COL25A1: variants seen among roughly 807,000 people sequenced by gnomAD.
COL25A1 encodes the protein collagen type XXV alpha 1 chain, also known as collagen alpha-1(XXV) chain.
COL25A1 carries 103 observed loss-of-function variants against 128.4 expected under a neutral mutation model. The observed-to-expected ratio is 0.80, with a 90% CI of 0.68 to 0.94. COL25A1 has a LOEUF of 0.94. Among genes scored for constraint, COL25A1 ranks in the 40% least tolerant of loss-of-function variants. The probability of loss-of-function intolerance (pLI) is 0.00; values close to 1 mark genes in which losing one functional copy is unlikely to be tolerated. For synonymous variants in COL25A1, 279 were observed against 277.2 expected, an observed-to-expected ratio of 1.01 and a Z score of -0.06; for missense variants, 745 against 840.0, an observed-to-expected ratio of 0.89 and a Z score of 1.40.
At chr4:109,059,076 T>C (rs1761707986) in intron 3 of COL25A1, among the ~76,000 whole-genome samples, 1 of 152,166 alleles carries the variant, frequency 6.6e-6, no homozygotes, top group African/African-American at 2.4e-5. Flanking sequence ...GAGAACCTAA[T>C]GAGCCCCTGT....
intron 3 of COL25A1, among the ~76,000 whole-genome samples, chr4:109,063,724 C>T (rs562034643): frequency 2.6e-5 from 4 of 152,094 alleles, no homozygotes; most frequent in African/African-American, 9.6e-5. Context: ...CTGCAGCTTA[C>T]CATGAGACTA....
intron 3 of COL25A1, among the ~76,000 whole-genome samples, chr4:109,117,824 G>T (rs1013959916): frequency 6.6e-6 from 1 of 151,908 alleles, no homozygotes; most frequent in Non-Finnish European, 1.5e-5. Context: ...GTGAAGTGGT[G>T]TAGTGTATTT....
intron 3 of COL25A1, among the ~76,000 whole-genome samples, chr4:109,056,188 T>C (rs976270876): frequency 1.3e-5 from 2 of 152,082 alleles, no homozygotes; most frequent in East Asian, 1.9e-4. Flanking sequence ...TTTTTAACAA[T>C]AGAAAAGATA....
chr4:109,016,931 T>C (rs1011017003), intron 5 of COL25A1, among the ~76,000 whole-genome samples: 6 of 152,190 alleles, frequency 3.9e-5, no homozygotes, highest in Admixed American at 3.9e-4. Flanking sequence ...CTGAAAGAGC[T>C]GTAACACAGA....
chr4:108,845,655 G>A (rs1264217329), intron 28 of COL25A1, among the ~76,000 whole-genome samples: 1 of 152,114 alleles, frequency 6.6e-6, no homozygotes, highest in East Asian at 1.9e-4. Context: ...GGAGTTTACT[G>A]CATTTTTTAA....
intron 3 of COL25A1, among the ~76,000 whole-genome samples, chr4:109,210,975 A>G (rs1029738553): frequency 3.3e-5 from 5 of 152,004 alleles, no homozygotes; most frequent in Admixed American, 1.3e-4. Flanking sequence ...AACACTGAGC[A>G]CACATGGGCA....
intron 3 of COL25A1, among the ~76,000 whole-genome samples, chr4:109,269,358 GT>G (rs200264467): frequency 0.077 from 11,267 of 146,484 alleles, 618 homozygotes; most frequent in East Asian, 0.23. Flanking sequence ...TTGGTTCCAA[GT>G]CTTTGCTATT....
intron 15 of COL25A1, 111 bp from the exon 16 acceptor site, chr4:108,896,822 G>A: frequency 1.1e-6 from 1 of 927,908 alleles, no homozygotes; most frequent in South Asian, 1.4e-5. Context: ...AAAATCTGTT[G>A]CAAATGCTCT....
chr4:108,942,143 T>G (rs928586940), intron 8 of COL25A1: 7 of 1,496,774 alleles, frequency 4.7e-6, no homozygotes, highest in Non-Finnish European at 6.4e-6. Flanking sequence ...GCCAATTGAA[T>G]GGTTCCTGCT....
chr4:109,039,382 T>C (rs1209694380), intron 5 of COL25A1, among the ~76,000 whole-genome samples: 2 of 152,242 alleles, frequency 1.3e-5, no homozygotes, highest in African/African-American at 4.8e-5. Flanking sequence ...TTGAACTTTA[T>C]ATTTCAGCTT....
At chr4:109,121,744 C>A (rs1768127344) in intron 3 of COL25A1, among the ~76,000 whole-genome samples, 1 of 152,048 alleles carries the variant, frequency 6.6e-6, no homozygotes, top group African/African-American at 2.4e-5. Context: ...CATACTCTTA[C>A]CACATGATTC....
chr4:108,951,215 A>G (rs1469383223), intron 8 of COL25A1, among the ~76,000 whole-genome samples: 22 of 152,158 alleles, frequency 1.4e-4, no homozygotes, highest in Admixed American at 1.4e-3. Context: ...GTGGAAAGCC[A>G]TGAAGGTTTT....
At chr4:109,001,426 G>GTCAGGTAGGC (rs1755408348) in intron 6 of COL25A1, among the ~76,000 whole-genome samples, 1 of 17,708 alleles carries the variant, frequency 5.6e-5, no homozygotes, top group Non-Finnish European at 1.8e-4. Context: ...GGTAGGCAGT[G>GTCAGGTAGGC]AGCTAGAGGG....
At chr4:108,985,272 C>T (rs970656773) in intron 6 of COL25A1, among the ~76,000 whole-genome samples, 22 of 152,178 alleles carry the variant, frequency 1.4e-4, no homozygotes, top group African/African-American at 5.1e-4. Context: ...CCCAGTTACT[C>T]TTTTTCTCAC....
intron 3 of COL25A1, among the ~76,000 whole-genome samples, chr4:109,207,453 C>G (rs1179258717): frequency 6.6e-6 from 1 of 152,138 alleles, no homozygotes; most frequent in Non-Finnish European, 1.5e-5. Context: ...TACTCTCACT[C>G]CTGATGGCTT....
intron 8 of COL25A1, among the ~76,000 whole-genome samples, chr4:108,961,992 A>C (rs1015446566): frequency 6.6e-6 from 1 of 152,152 alleles, no homozygotes; most frequent in Admixed American, 6.6e-5. Flanking sequence ...TCAGGCTGAC[A>C]TGTTCTTTTG....
At position 109,198,503 on chromosome 4, in the gene COL25A1, C is replaced by A. The variant is rs78203741; in HGVS notation, c.367+102080G>T. Among the ~76,000 whole-genome samples the A allele has an allele frequency of 8.5e-3, 1,291 of 152,252 alleles. 57 individuals are homozygous for A. The South Asian group carries it at 0.14, about 16-fold the overall frequency. ...GACTCCTTTTACTCCCTTAAATTTA[C>A]TGATAACCAGGTAAAACTCATTGAA... On this transcript the variant is annotated intron_variant, in intron 3 of 37. Coordinates refer to ENST00000399132, the MANE Select transcript of COL25A1 (RefSeq NM_198721.4).
At chr4:109,246,607 C>A (rs947732171) in intron 3 of COL25A1, among the ~76,000 whole-genome samples, 2 of 151,968 alleles carry the variant, frequency 1.3e-5, no homozygotes, top group African/African-American at 4.8e-5. Context: ...TTCAACAAAT[C>A]TTAAAATTTT....
intron 3 of COL25A1, among the ~76,000 whole-genome samples, chr4:109,105,693 C>G (rs7696620): frequency 0.23 from 35,478 of 151,988 alleles, 5,391 homozygotes; most frequent in African/African-American, 0.41. Context: ...TGCCATTTTC[C>G]TGGTTTTAAA....
Sources: allele counts gnomAD v4.1 joint callset (sites outside exome capture counted in the v4.1 genomes callset), GRCh38; gene constraint gnomAD v4.1.1; transcripts MANE v1.5; gene names NCBI Gene and HGNC (gene_info 2026-07-23, HGNC 2026-07-21).